The following EDIL3 variants were observed in gnomAD, a reference collection of about 807,000 sequenced individuals.
EDIL3 encodes EGF like and discoidin domains 3, also known as EGF-like repeat and discoidin I-like domain-containing protein 3.
EDIL3 carries 37 observed loss-of-function variants against 67.4 expected under a neutral mutation model. The ratio of observed to expected loss-of-function variants is 0.55; its 90% CI spans 0.42 to 0.72. EDIL3 has a LOEUF of 0.72. Among genes scored for constraint, EDIL3 ranks in the 30% least tolerant of loss-of-function variants. The pLI, the probability that EDIL3 is intolerant of heterozygous loss-of-function variation, is 0.00. For missense variants in EDIL3, 527 were observed against 586.3 expected (o/e 0.90, Z 1.04); for synonymous variants, 195 against 196.3 (o/e 0.99, Z 0.05).
chr5:84,120,357 A>G (rs1472059281), intron 5 of EDIL3, among the ~76,000 whole-genome samples: 1 of 152,062 alleles, frequency 6.6e-6, no homozygotes, highest in Non-Finnish European at 1.5e-5. Context: ...TTCTCCAGTC[A>G]TCAACCTCAG....
At chr5:84,049,769 G>A (rs1355252007) in intron 9 of EDIL3, among the ~76,000 whole-genome samples, 1 of 152,114 alleles carries the variant, frequency 6.6e-6, no homozygotes, top group African/African-American at 2.4e-5. Context: ...CATACACAGA[G>A]GTCTGAGAAA....
intron 1 of EDIL3, among the ~76,000 whole-genome samples, chr5:84,371,066 G>C (rs1018985924): frequency 3.3e-5 from 5 of 151,626 alleles, no homozygotes; most frequent in African/African-American, 1.2e-4. Context: ...TTGGAAATAA[G>C]ATAAAAAATA....
At chr5:84,015,169 T>C (rs1745580590) in intron 9 of EDIL3, among the ~76,000 whole-genome samples, 1 of 152,196 alleles carries the variant, frequency 6.6e-6, no homozygotes, top group African/African-American at 2.4e-5. Context: ...AACATAGCTG[T>C]CTGGGAAGTG....
intron 1 of EDIL3, among the ~76,000 whole-genome samples, chr5:84,284,033 C>T (rs1745760836): frequency 6.6e-6 from 1 of 152,100 alleles, no homozygotes; most frequent in South Asian, 2.1e-4. Flanking sequence ...CTTCCTTCCA[C>T]CTCCATTCTC....
chr5:83,979,232 C>T (rs1252934973), intron 9 of EDIL3, among the ~76,000 whole-genome samples: 2 of 146,420 alleles, frequency 1.4e-5, no homozygotes, highest in African/African-American at 2.4e-5. Flanking sequence ...ATTTCACATC[C>T]CAAACTTAAA....
intron 6 of EDIL3, among the ~76,000 whole-genome samples, chr5:84,093,117 T>A (rs1033306022): frequency 5.3e-5 from 8 of 151,954 alleles, no homozygotes; most frequent in African/African-American, 1.9e-4. Context: ...GTAAACTGAG[T>A]CGCCAGGGCA....
chr5:84,141,774 T>C (rs1478231570), intron 4 of EDIL3, among the ~76,000 whole-genome samples: 4 of 149,398 alleles, frequency 2.7e-5, no homozygotes, highest in African/African-American at 9.7e-5. Flanking sequence ...CGGTATGTCA[T>C]ACATAACCCA....
At chr5:84,353,119 C>A (rs1747398077) in intron 1 of EDIL3, among the ~76,000 whole-genome samples, 1 of 152,052 alleles carries the variant, frequency 6.6e-6, no homozygotes, top group Non-Finnish European at 1.5e-5. Flanking sequence ...AGCTGCTGCA[C>A]CCAATCAAAA....
intron 1 of EDIL3, among the ~76,000 whole-genome samples, chr5:84,289,289 GT>G (rs1178850428): frequency 6.6e-6 from 1 of 152,148 alleles, no homozygotes; most frequent in African/African-American, 2.4e-5. Context: ...CAATAAGAGT[GT>G]TTGTTTAACT....
intron 2 of EDIL3, among the ~76,000 whole-genome samples, chr5:84,244,974 G>A (rs1744877741): frequency 6.6e-6 from 1 of 152,204 alleles, no homozygotes; most frequent in Non-Finnish European, 1.5e-5. Flanking sequence ...ACCTTCTGTG[G>A]CAAAATTGTC....
chr5:84,229,589 CT>C (rs1744525104), intron 3 of EDIL3, among the ~76,000 whole-genome samples: 1 of 151,940 alleles, frequency 6.6e-6, no homozygotes. Context: ...TTTCCTTATT[CT>C]TTAATGTCAA....
At chr5:84,098,739 C>T (rs1045778160) in intron 6 of EDIL3, among the ~76,000 whole-genome samples, 3 of 152,066 alleles carry the variant, frequency 2.0e-5, no homozygotes, top group Non-Finnish European at 4.4e-5. Context: ...ACTTCAGAAT[C>T]TCTTGGACAC....
intron 1 of EDIL3, among the ~76,000 whole-genome samples, chr5:84,289,628 T>A (rs556140695): frequency 5.8e-4 from 89 of 152,256 alleles, no homozygotes; most frequent in African/African-American, 2.0e-3. Context: ...TATTCCTTGG[T>A]CTTTATCCTA....
intron 9 of EDIL3, among the ~76,000 whole-genome samples, chr5:84,001,410 C>A (rs1745329453): frequency 6.6e-6 from 1 of 151,774 alleles, no homozygotes; most frequent in South Asian, 2.1e-4. Flanking sequence ...AACTAGAAAA[C>A]CAAGAGCAAA....
chr5:84,007,730 A>C (rs189391271), intron 9 of EDIL3, among the ~76,000 whole-genome samples: 30 of 152,286 alleles, frequency 2.0e-4, no homozygotes, highest in Middle Eastern at 3.4e-3. Flanking sequence ...ATTCTTCAAA[A>C]AACTAAAATA....
intron 3 of EDIL3, among the ~76,000 whole-genome samples, chr5:84,206,521 A>T (rs867235156): frequency 5.3e-5 from 8 of 152,182 alleles, no homozygotes; most frequent in Admixed American, 4.6e-4. Context: ...ATAGAAAAAG[A>T]GGGAATCCTC....
chr5:84,088,038 T>C (rs1466256872), intron 6 of EDIL3, among the ~76,000 whole-genome samples: 2 of 152,190 alleles, frequency 1.3e-5, no homozygotes, highest in Admixed American at 6.5e-5. Flanking sequence ...TAATTGCTTG[T>C]TGAATGAAAT....
chr5:84,316,713 T>C (rs1746520424), intron 1 of EDIL3, among the ~76,000 whole-genome samples: 1 of 151,804 alleles, frequency 6.6e-6, no homozygotes, highest in South Asian at 2.1e-4. Context: ...AGACAGAAAA[T>C]TAACAAGGAT....
At chr5:84,190,231 C>T (rs1251321419) in intron 3 of EDIL3, among the ~76,000 whole-genome samples, 1 of 151,864 alleles carries the variant, frequency 6.6e-6, no homozygotes, top group Non-Finnish European at 1.5e-5. Flanking sequence ...CAACATAACT[C>T]ATAAAGCACA....
Sources: gnomAD v4.1 joint callset for allele counts (sites outside exome capture counted in the v4.1 genomes callset) on GRCh38, gnomAD v4.1.1 for gene constraint, MANE v1.5 for transcripts, NCBI Gene and HGNC (gene_info 2026-07-23, HGNC 2026-07-21) for gene names.